DCUN1D2: variants seen among roughly 807,000 people sequenced by gnomAD.
DCUN1D2 encodes DCN1-like protein 2.
Under a neutral mutation model 30.9 loss-of-function variants are expected in DCUN1D2, and 29 were observed. That is an observed-to-expected ratio of 0.94 (90% confidence interval 0.70 to 1.28). The LOEUF (loss-of-function observed/expected upper bound fraction) is 1.28. Among genes scored for constraint, DCUN1D2 ranks in the 50% most tolerant of loss-of-function variants. The pLI, the probability that DCUN1D2 is intolerant of heterozygous loss-of-function variation, is 0.00. For missense variants in DCUN1D2, 325 were observed against 316.9 expected (o/e 1.03, Z -0.19); for synonymous variants, 121 against 115.3 (o/e 1.05, Z -0.32).
At chr13:113,461,841 T>G (rs1278839262) in intron 4 of DCUN1D2, among the ~76,000 whole-genome samples, 2 of 152,190 alleles carry the variant, frequency 1.3e-5, no homozygotes. Flanking sequence ...TTCAGGGCTG[T>G]CTCCAATCCA....
intron 2 of DCUN1D2, among the ~76,000 whole-genome samples, chr13:113,482,571 C>A (rs567372004): frequency 1.3e-5 from 2 of 152,228 alleles, no homozygotes; most frequent in African/African-American, 4.8e-5. Flanking sequence ...AAGCAATTTT[C>A]AACTCACTTT....
At chr13:113,462,824 T>C in intron 4 of DCUN1D2, 1 of 1,218,844 alleles carries the variant, frequency 8.2e-7, no homozygotes, top group Non-Finnish European at 1.0e-6. Flanking sequence ...AGGAAGAACA[T>C]TAATTGAAAT....
intron 3 of DCUN1D2, among the ~76,000 whole-genome samples, chr13:113,479,493 C>G (rs181710966): frequency 2.4e-4 from 37 of 152,238 alleles, no homozygotes; most frequent in African/African-American, 8.9e-4. Context: ...GTGGCTCCCG[C>G]CTGTAATCCC....
chr13:113,476,713 A>C (rs1320992989), intron 3 of DCUN1D2, among the ~76,000 whole-genome samples: 1 of 152,186 alleles, frequency 6.6e-6, no homozygotes, highest in Non-Finnish European at 1.5e-5. Flanking sequence ...GATGTTTTAA[A>C]AATTATCCTA....
intron 1 of DCUN1D2, among the ~76,000 whole-genome samples, chr13:113,485,077 CAATAAATA>C (rs58781524): frequency 9.0e-4 from 133 of 148,582 alleles, no homozygotes; most frequent in Non-Finnish European, 1.0e-3. Flanking sequence ...GACTCTATCT[CAATAAATA>C]AATAAATAAA....
At chr13:113,458,496 T>G (rs1010086160) in intron 6 of DCUN1D2, among the ~76,000 whole-genome samples, 3 of 152,216 alleles carry the variant, frequency 2.0e-5, no homozygotes, top group Non-Finnish European at 4.4e-5. Flanking sequence ...TCTTCCCAAG[T>G]GGGACCACCC....
intron 4 of DCUN1D2, among the ~76,000 whole-genome samples, chr13:113,466,831 G>C (rs1340166342): frequency 1.5e-5 from 2 of 133,006 alleles, no homozygotes; most frequent in South Asian, 4.9e-4. Flanking sequence ...TTTTTTGAGA[G>C]AGTCCTGCTC....
At chr13:113,466,639 CA>C (rs2044407088) in intron 4 of DCUN1D2, among the ~76,000 whole-genome samples, 1 of 152,088 alleles carries the variant, frequency 6.6e-6, no homozygotes, top group African/African-American at 2.4e-5. Context: ...ACCAAGAGCT[CA>C]GTCTCCATGG....
At position 113,477,027 on chromosome 13, in the gene DCUN1D2, T is replaced by C. The variant is rs78494889; in HGVS notation, c.390-2773A>G. ...TCTATTTATCTGATCTGGCGCTTGA[T>C]GCCATGTAGTCTTAATTACTGTAGC... On this transcript the variant is annotated intron_variant, in intron 3 of 6. Coordinates refer to ENST00000478244, the MANE Select transcript of DCUN1D2 (RefSeq NM_001014283.2). Among the ~76,000 whole-genome samples the C allele has an allele frequency of 8.2e-3, 1,242 of 152,360 alleles. 33 individuals carry two copies. In the East Asian group the frequency reaches 0.086, roughly 10 times the overall value.
At position 113,456,723 on chromosome 13, in the gene DCUN1D2, C is replaced by A. The variant is rs1473031051; in HGVS notation, c.*1306G>T. ...AACATGGTGCAAGGACAGACTTCAGCTCACCAATCAGATGAAGGTTTTGGG... is the reference window on the plus strand; with the variant it reads ...AACATGGTGCAAGGACAGACTTCAGATCACCAATCAGATGAAGGTTTTGGG... On this transcript the variant is annotated 3_prime_UTR_variant, in exon 7 of 7. Transcript: ENST00000478244. 9.8e-6 allele frequency: 2 copies of A among 204,156 alleles called. No homozygotes were observed. The highest frequency in any genetic ancestry group is 1.2e-4 in the Admixed American group (2 of 16,568). The allele number at this position is 204,156 out of a possible 1,614,324, so 12.6% of individuals were successfully genotyped here. A position where few individuals can be genotyped will look rare whatever the true frequency, so the allele number is the denominator to read the frequency against.
intron 4 of DCUN1D2, among the ~76,000 whole-genome samples, chr13:113,462,170 T>C (rs1470864605): frequency 6.6e-6 from 1 of 151,464 alleles, no homozygotes; most frequent in Non-Finnish European, 1.5e-5. Flanking sequence ...GAGAATCACT[T>C]GAACCTGGGA....
At chr13:113,490,932 C>G (rs2044975539), upstream of DCUN1D2, 1 of 218,954 alleles carries the variant, frequency 4.6e-6, no homozygotes, top group Admixed American at 5.8e-5. This position sits in a 1 kb window ranked among gnomAD's most constrained non-coding sequence, Gnocchi z 5.2. Flanking sequence ...CTGCCAGGCC[C>G]CACGCCGGCC....
chr13:113,467,366 A>G (rs1006049453), intron 4 of DCUN1D2, among the ~76,000 whole-genome samples: 3 of 152,232 alleles, frequency 2.0e-5, no homozygotes, highest in Non-Finnish European at 4.4e-5. Context: ...TATTGGAGGC[A>G]ATTTTGAAAC....
At chr13:113,482,262 T>C (rs975845037) in intron 2 of DCUN1D2, among the ~76,000 whole-genome samples, 1 of 152,226 alleles carries the variant, frequency 6.6e-6, no homozygotes, top group African/African-American at 2.4e-5. Flanking sequence ...TGAGTATAAT[T>C]GCATGAATAA....
chr13:113,479,943 G>A lies in DCUN1D2; in HGVS notation c.389+632C>T, dbSNP rs190939379. ...TGTGCTATGACACTATGATGGCTGG[G>A]ATGTAGGAATTTTTTAGCCCCATTC... is the stretch of plus-strand genomic sequence containing the variant. On this transcript the variant is annotated intron_variant, in intron 3 of 6. Coordinates refer to ENST00000478244, the MANE Select transcript of DCUN1D2 (RefSeq NM_001014283.2). Among the ~76,000 whole-genome samples, 5 of 152,286 alleles carry A rather than the reference G, an allele frequency of 3.3e-5. No homozygotes were observed. The East Asian group carries it at 9.6e-4, about 29-fold the overall frequency.
At position 113,480,709 on chromosome 13, in the gene DCUN1D2, C is replaced by A. The variant is rs764219723; in HGVS notation, c.255G>T (p.Gly85=). ...PQDENKIGVD[G]IQQFCDDLSL... is the part of the protein sequence containing the mutation. Reference sequence around the variant, plus strand: ...TCAGATCATCACAAAACTGTTGAATCCCATCGACTCCAATTTTGTTTTCAT... The same window carrying A: ...TCAGATCATCACAAAACTGTTGAATACCATCGACTCCAATTTTGTTTTCAT... Residue 85 remains glycine (G), a synonymous_variant, in exon 3 of 7, where the codon GGG becomes GGT. Coordinates refer to ENST00000478244, the MANE Select transcript of DCUN1D2 (RefSeq NM_001014283.2). 6.2e-7 allele frequency: 1 copy of A among 1,614,058 alleles called. No individual in the cohort carries two copies. Among genetic ancestry groups the A allele is most frequent in the Non-Finnish European group, 8.5e-7 (1 of 1,179,972 alleles).
intron 4 of DCUN1D2, among the ~76,000 whole-genome samples, 175 bp downstream of exon 4, chr13:113,473,949 G>A (rs1216828981): frequency 6.6e-6 from 1 of 152,222 alleles, no homozygotes; most frequent in Admixed American, 6.5e-5. Context: ...AGGCTGCAGT[G>A]AGCTGTGATT....
Position 113,490,637 on chromosome 13 carries a change from G to GACCCCC in DCUN1D2, c.3+29_3+30insGGGGGT. On this transcript the variant is annotated intron_variant, in intron 1 of 6. Coordinates refer to ENST00000478244, the MANE Select transcript of DCUN1D2 (RefSeq NM_001014283.2). The surrounding 1 kb of genome is among the most constrained non-coding windows in gnomAD (Gnocchi z 5.2). Reference sequence around the variant, plus strand: ...GGGGCCCGACCCCGACCCCGACCCCGACGGGCAGAGGCGACGCCGGGCCAC... The same window carrying GACCCCC: ...GGGGCCCGACCCCGACCCCGACCCCGACCCCCACGGGCAGAGGCGACGCCGGGCCAC... The GACCCCC allele has an allele frequency of 8.1e-7, 1 of 1,232,044 alleles. No individual in the cohort carries two copies. The highest frequency in any genetic ancestry group is 1.0e-6 in the Non-Finnish European group (1 of 988,238). 76.3% of individuals were successfully genotyped at this position (1,232,044 alleles called of 1,614,324 possible).
chr13:113,486,548 T>C (rs1313439673), intron 1 of DCUN1D2, among the ~76,000 whole-genome samples: 1 of 152,106 alleles, frequency 6.6e-6, no homozygotes, highest in African/African-American at 2.4e-5. Context: ...GACTAAACAC[T>C]TAAGAGAATG....
Sources: allele counts gnomAD v4.1 joint callset (sites outside exome capture counted in the v4.1 genomes callset), GRCh38; gene constraint gnomAD v4.1.1; non-coding constraint Gnocchi (gnomAD v3.1); transcripts MANE v1.5; gene names NCBI Gene and HGNC (gene_info 2026-07-23, HGNC 2026-07-21).